MYO9A: variants seen among roughly 807,000 people sequenced by gnomAD.
MYO9A encodes the protein unconventional myosin-IXa.
A neutral mutation model predicts 293.3 loss-of-function variants in MYO9A; 103 were observed. That is an observed-to-expected ratio of 0.35 (90% CI 0.30 to 0.41). The LOEUF (loss-of-function observed/expected upper bound fraction) is 0.41, where lower values mean the gene tolerates loss of function less well. Ranked by LOEUF, MYO9A falls within the 10% of genes least tolerant of loss-of-function variation. The probability of loss-of-function intolerance (pLI) is 1.00; values close to 1 mark genes in which losing one functional copy is unlikely to be tolerated. For synonymous variants in MYO9A, 1,001 were observed against 1,035.7 expected (o/e 0.97, Z 0.64); for missense variants, 2,685 against 3,033.0 (o/e 0.89, Z 2.69).
At chr15:71,888,689 T>C (rs1347457483) in intron 26 of MYO9A, 1 of 152,234 alleles carries the variant, frequency 6.6e-6, no homozygotes, top group Non-Finnish European at 1.5e-5. Flanking sequence ...GCAGTTCTTG[T>C]TCCATTTGTT....
At chr15:72,114,994 A>G (rs905132090) in intron 1 of MYO9A, among the ~76,000 whole-genome samples, 5 of 152,172 alleles carry the variant, frequency 3.3e-5, no homozygotes, top group Admixed American at 3.3e-4. Context: ...TTATATCGCT[A>G]ACTTCTATTG....
chr15:72,017,389 C>T (rs1004563034), intron 6 of MYO9A, among the ~76,000 whole-genome samples: 1 of 152,116 alleles, frequency 6.6e-6, no homozygotes, highest in African/African-American at 2.4e-5. Context: ...AAGCTCAGAA[C>T]AGATGATCAA....
chr15:71,935,432 GTCTGCTCTGGCGAATCCCAGT>G lies in MYO9A; in HGVS notation c.2410_2430del (p.Thr804_Arg810del). On this transcript the variant is annotated inframe_deletion, in exon 17 of 42. Transcript: ENST00000356056. Reference sequence around the variant, plus strand: ...TCAAGCAAGGAGGTGCCACTTGATAGTCTGCTCTGGCGAATCCCAGTTCTGCCATTCCAGGCAATATCAAAT... The same window carrying G: ...TCAAGCAAGGAGGTGCCACTTGATAGTCTGCCATTCCAGGCAATATCAAAT... The G allele has an allele frequency of 6.2e-7, 1 of 1,613,650 alleles. No individual in the cohort carries two copies. The highest frequency in any genetic ancestry group is 8.5e-7 in the Non-Finnish European group (1 of 1,179,652).
At chr15:71,862,419 T>C in intron 33 of MYO9A, 81 bp downstream of exon 33, 1 of 1,074,734 alleles carries the variant, frequency 9.3e-7, no homozygotes, top group Non-Finnish European at 1.4e-6. Flanking sequence ...AACTCCTTTA[T>C]GTTAAAGGAG....
intron 11 of MYO9A, among the ~76,000 whole-genome samples, chr15:71,980,474 G>A (rs1222781825): frequency 6.6e-6 from 1 of 152,044 alleles, no homozygotes; most frequent in East Asian, 1.9e-4. Flanking sequence ...GAATAACAAA[G>A]AAAAAACATT....
intron 1 of MYO9A, among the ~76,000 whole-genome samples, chr15:72,071,963 G>A (rs958106151): frequency 7.4e-5 from 11 of 149,428 alleles, no homozygotes; most frequent in African/African-American, 2.5e-4. Flanking sequence ...CCAGCTATTC[G>A]GAAGGCTGGG....
At chr15:71,873,390 G>A (rs139072275) in intron 32 of MYO9A, among the ~76,000 whole-genome samples, 18 of 151,856 alleles carry the variant, frequency 1.2e-4, no homozygotes, top group African/African-American at 3.4e-4. Context: ...AAAGAACCTC[G>A]TGCATGTCAG....
chr15:72,003,924 T>C (rs1334826803), intron 8 of MYO9A, among the ~76,000 whole-genome samples: 1 of 152,144 alleles, frequency 6.6e-6, no homozygotes. Flanking sequence ...TAATGATCCT[T>C]CTAATTGCAG....
At chr15:72,013,662 T>TAAGG (rs2077238475) in intron 6 of MYO9A, among the ~76,000 whole-genome samples, 2 of 152,170 alleles carry the variant, frequency 1.3e-5, no homozygotes, top group Non-Finnish European at 2.9e-5. Context: ...CACTTTCCCA[T>TAAGG]TTACAAATGC....
intron 20 of MYO9A, 59 bp from the exon 21 acceptor site, chr15:71,904,098 T>C (rs554213835): frequency 2.3e-6 from 3 of 1,305,074 alleles, no homozygotes; most frequent in Non-Finnish European, 3.3e-6. Flanking sequence ...TAATTATCTG[T>C]TTATAAGCAT....
intron 11 of MYO9A, among the ~76,000 whole-genome samples, chr15:71,982,441 T>G (rs1364079921): frequency 6.6e-6 from 1 of 152,210 alleles, no homozygotes; most frequent in African/African-American, 2.4e-5. Context: ...GAAATCTGAC[T>G]TTCGCTTTAT....
At chr15:72,069,209 A>C (rs145167013) in intron 1 of MYO9A, among the ~76,000 whole-genome samples, 1,938 of 152,320 alleles carry the variant, frequency 0.013, 28 homozygotes, top group African/African-American at 0.02. Flanking sequence ...TTTTGCCAGC[A>C]TAGGGACTGG....
chr15:72,013,015 G>A (rs964485185), intron 6 of MYO9A, among the ~76,000 whole-genome samples: 1 of 152,120 alleles, frequency 6.6e-6, no homozygotes, highest in African/African-American at 2.4e-5. Context: ...GATAACTGTA[G>A]AAGAAAAACT....
chr15:72,051,361 G>A (rs1050187799), intron 1 of MYO9A, among the ~76,000 whole-genome samples: 8 of 152,140 alleles, frequency 5.3e-5, no homozygotes, highest in Non-Finnish European at 8.8e-5. Flanking sequence ...AGTTGACAGG[G>A]CAGGAGTTTC....
chr15:72,118,174 G>A (rs2081077305), upstream of MYO9A: 2 of 366,616 alleles, frequency 5.5e-6, no homozygotes, highest in Admixed American at 4.6e-5. Context: ...GCCCCCTACT[G>A]CCAGCACGGG....
At chr15:72,034,043 G>A (rs2077962241) in intron 2 of MYO9A, among the ~76,000 whole-genome samples, 1 of 152,290 alleles carries the variant, frequency 6.6e-6, no homozygotes, top group East Asian at 1.9e-4. Context: ...TAACTGTGCA[G>A]AGCATATATA....
intron 28 of MYO9A, 137 bp downstream of exon 28, chr15:71,883,457 A>G: frequency 1.1e-6 from 1 of 877,182 alleles, no homozygotes; most frequent in East Asian, 2.8e-5. Flanking sequence ...TTAAGGAAGG[A>G]TTTAACAATG....
At chr15:72,092,093 T>C (rs2079932424) in intron 1 of MYO9A, among the ~76,000 whole-genome samples, 1 of 152,166 alleles carries the variant, frequency 6.6e-6, no homozygotes, top group Non-Finnish European at 1.5e-5. Flanking sequence ...AGGGCAGGAA[T>C]TCAGAGAGAT....
intron 1 of MYO9A, among the ~76,000 whole-genome samples, chr15:72,112,419 T>C (rs1333304381): frequency 2.0e-5 from 3 of 152,240 alleles, no homozygotes; most frequent in Non-Finnish European, 4.4e-5. Context: ...ACATGTTTAC[T>C]ATACCTATCC....
Sources: gnomAD v4.1 joint callset for allele counts (sites outside exome capture counted in the v4.1 genomes callset) on GRCh38, gnomAD v4.1.1 for gene constraint, MANE v1.5 for transcripts, NCBI Gene and HGNC (gene_info 2026-07-23, HGNC 2026-07-21) for gene names.